BMPER: variants seen among roughly 807,000 people sequenced by gnomAD.
The protein encoded by BMPER is BMP binding endothelial regulator.
Under a neutral mutation model 87.3 loss-of-function variants are expected in BMPER, and 45 were observed. That is an observed-to-expected ratio of 0.52 (90% CI 0.41 to 0.66). BMPER has a LOEUF of 0.66. Ranked by LOEUF, BMPER falls within the 30% of genes least tolerant of loss-of-function variation. The probability of loss-of-function intolerance (pLI) is 0.00; values close to 1 mark genes in which losing one functional copy is unlikely to be tolerated. For synonymous variants in BMPER, 326 were observed against 316.2 expected, an observed-to-expected ratio of 1.03 and a Z score of -0.33; for missense variants, 784 against 867.5, an observed-to-expected ratio of 0.90 and a Z score of 1.21.
At chr7:33,970,715 G>A (rs1055919815) in intron 5 of BMPER, among the ~76,000 whole-genome samples, 2 of 152,148 alleles carry the variant, frequency 1.3e-5, no homozygotes, top group Non-Finnish European at 2.9e-5. Flanking sequence ...GCTTTCTCTG[G>A]CTTCCAGAGA....
At chr7:33,961,112 G>T (rs1785260637) in intron 3 of BMPER, among the ~76,000 whole-genome samples, 1 of 152,148 alleles carries the variant, frequency 6.6e-6, no homozygotes. Context: ...ACCAGCATGT[G>T]CAAAATCGCA....
chr7:34,053,316 G>A lies in BMPER; in HGVS notation c.786+1346G>A, dbSNP rs181574346. On this transcript the variant is annotated intron_variant, in intron 8 of 14. Transcript: ENST00000649409. ...TTTTGAGTAATCAGTATTATTTTCT[G>A]TCTGCTTTGAGCTTCCCTTTCTAGC... 3.9e-5 allele frequency among the ~76,000 whole-genome samples: 6 copies of A among 152,234 alleles called. No individual in the cohort carries two copies. The East Asian group carries it at 1.2e-3, about 29-fold the overall frequency.
intron 13 of BMPER, among the ~76,000 whole-genome samples, chr7:34,093,570 C>T (rs1163300856): frequency 6.6e-6 from 1 of 152,204 alleles, no homozygotes; most frequent in African/African-American, 2.4e-5. Flanking sequence ...AGGCAGAGGG[C>T]AAGACCAGAC....
chr7:33,930,415 T>C (rs971912526), intron 2 of BMPER, among the ~76,000 whole-genome samples: 2 of 152,206 alleles, frequency 1.3e-5, no homozygotes, highest in Admixed American at 1.3e-4. Flanking sequence ...AATTTAATAC[T>C]GCCATTGGCA....
At chr7:34,081,939 A>G (rs1258753407) in intron 12 of BMPER, among the ~76,000 whole-genome samples, 1 of 152,240 alleles carries the variant, frequency 6.6e-6, no homozygotes, top group African/African-American at 2.4e-5. Flanking sequence ...ACCAGGAAAC[A>G]AACAATGCAA....
Position 34,058,054 on chromosome 7 carries a change from T to C in BMPER, c.928-5T>C. ...GCTGACAGGATCCTGTGCCCTCTCT[T>C]GTAGGATGGAGAGATGTGGTCCTCT... On this transcript the variant is annotated splice_region_variant and splice_polypyrimidine_tract_variant and intron_variant, in intron 9 of 14. Transcript: ENST00000649409. The C allele has an allele frequency of 3.1e-6, 5 of 1,613,456 alleles. 1 individual carries two copies. The highest frequency in any genetic ancestry group is 4.2e-6 in the Non-Finnish European group (5 of 1,179,388).
intron 14 of BMPER, among the ~76,000 whole-genome samples, chr7:34,150,352 GGA>G (rs10601355): frequency 0.021 from 3,255 of 152,178 alleles, 109 homozygotes; most frequent in African/African-American, 0.074. Context: ...GGAAGGAAAG[GGA>G]GAGTGTTTTG....
chr7:34,063,365 T>G (rs190801525), intron 11 of BMPER, among the ~76,000 whole-genome samples: 2,937 of 149,414 alleles, frequency 0.02, 46 homozygotes, highest in Non-Finnish European at 0.025. Context: ...ACAATAGATA[T>G]GCAGGGTCAC....
At chr7:33,966,630 A>G in intron 4 of BMPER, 69 bp downstream of exon 4, 2 of 1,455,754 alleles carry the variant, frequency 1.4e-6, no homozygotes, top group East Asian at 2.3e-5. Flanking sequence ...ACCCCTTCAC[A>G]CAACATAGAA....
intron 13 of BMPER, among the ~76,000 whole-genome samples, chr7:34,091,382 G>T (rs186123697): frequency 2.6e-5 from 4 of 152,310 alleles, no homozygotes; most frequent in Admixed American, 2.0e-4. Context: ...GTCAAGAACT[G>T]CCATTAGAAC....
rs549153499 is a variant in BMPER, at chr7:34,050,231, G to A, written c.677-1630G>A. Among the ~76,000 whole-genome samples, 7 of 152,254 alleles carry A rather than the reference G, an allele frequency of 4.6e-5. No individual in the cohort carries two copies. The East Asian group carries it at 1.4e-3, about 29-fold the overall frequency. On this transcript the variant is annotated intron_variant, in intron 7 of 14. Transcript: ENST00000649409. ...CCTAGTCATGAAAGAGTTTTTGGTT[G>A]TATGCTTTAATATTAACACCATAGT...
At chr7:34,061,530 T>C (rs1469591971) in intron 10 of BMPER, among the ~76,000 whole-genome samples, 3 of 152,328 alleles carry the variant, frequency 2.0e-5, no homozygotes, top group Non-Finnish European at 2.9e-5. Context: ...TCCATAGTGC[T>C]GATGATTCCT....
At chr7:33,913,260 G>A (rs1006911572) in intron 2 of BMPER, among the ~76,000 whole-genome samples, 7 of 152,192 alleles carry the variant, frequency 4.6e-5, no homozygotes, top group African/African-American at 1.7e-4. Context: ...GCCCAAAGCT[G>A]TGATGGAGCT....
chr7:33,983,786 C>T (rs1785923213), intron 6 of BMPER, among the ~76,000 whole-genome samples: 1 of 152,164 alleles, frequency 6.6e-6, no homozygotes, highest in African/African-American at 2.4e-5. Context: ...TTGGAAATGG[C>T]ATTTGAGTCT....
intron 13 of BMPER, among the ~76,000 whole-genome samples, chr7:34,092,786 A>G (rs1204974780): frequency 2.0e-5 from 3 of 152,262 alleles, no homozygotes; most frequent in Non-Finnish European, 4.4e-5. Context: ...AAAGAAAGAC[A>G]CGAATTCATT....
chr7:34,116,685 A>G (rs1790125748), intron 13 of BMPER, among the ~76,000 whole-genome samples: 1 of 152,254 alleles, frequency 6.6e-6, no homozygotes, highest in Admixed American at 6.5e-5. Flanking sequence ...TCAAACAACA[A>G]CAGCAATAAT....
chr7:33,947,179 A>C (rs962092290), intron 3 of BMPER, among the ~76,000 whole-genome samples: 2 of 152,234 alleles, frequency 1.3e-5, no homozygotes, highest in Non-Finnish European at 2.9e-5. Flanking sequence ...GGAGTCAAAC[A>C]GATGGTTTTG....
intron 2 of BMPER, among the ~76,000 whole-genome samples, chr7:33,935,337 G>A (rs1176573984): frequency 2.0e-5 from 3 of 152,116 alleles, no homozygotes; most frequent in Non-Finnish European, 4.4e-5. Flanking sequence ...CCTGATGGCA[G>A]TGGTTCTCAA....
chr7:34,016,910 G>A (rs1393154102), intron 6 of BMPER, among the ~76,000 whole-genome samples: 1 of 151,888 alleles, frequency 6.6e-6, no homozygotes, highest in Non-Finnish European at 1.5e-5. Flanking sequence ...TGTTGTTGTT[G>A]TTTTATTAGA....
Sources: gnomAD v4.1 joint callset for allele counts (sites outside exome capture counted in the v4.1 genomes callset) on GRCh38, gnomAD v4.1.1 for gene constraint, MANE v1.5 for transcripts, NCBI Gene and HGNC (gene_info 2026-07-23, HGNC 2026-07-21) for gene names.